The following UQCC6 variants were observed in gnomAD, a reference collection of about 807,000 sequenced individuals.
UQCC6 encodes the protein protein BRAWNIN.
chr12:103,953,794 C>CAT, the UQCC6 span: 3 of 536,390 alleles, frequency 5.6e-6, no homozygotes, highest in Non-Finnish European at 1.0e-5. Context: ...CAGGTAGCTG[C>CAT]TGTAACAACC....
the UQCC6 span, among the ~76,000 whole-genome samples, chr12:103,961,148 G>C: frequency 2.0e-5 from 1 of 49,212 alleles, no homozygotes; most frequent in African/African-American, 6.5e-5. Flanking sequence ...GTGTGTGTTT[G>C]TGTCTTAAGT....
At chr12:103,954,669 G>A in the UQCC6 span, 23 of 409,050 alleles carry the variant, frequency 5.6e-5, no homozygotes, top group East Asian at 8.2e-5. Flanking sequence ...TATCCAACCC[G>A]TATCAGTGGA....
chr12:103,954,850 G>C, the UQCC6 span: 1 of 675,072 alleles, frequency 1.5e-6, no homozygotes, highest in South Asian at 1.6e-5. Context: ...ATTATTTTAT[G>C]AACAGGAGCA....
chr12:103,964,044 G>C, the UQCC6 span, among the ~76,000 whole-genome samples: 1 of 149,518 alleles, frequency 6.7e-6, no homozygotes, highest in Non-Finnish European at 1.5e-5. Context: ...TGTTGAGAGA[G>C]AGACACTGAT....
the UQCC6 span, among the ~76,000 whole-genome samples, chr12:103,953,197 G>A: frequency 6.6e-6 from 1 of 152,192 alleles, no homozygotes; most frequent in African/African-American, 2.4e-5. Flanking sequence ...ACAATAACAG[G>A]TGAAAGTGAC....
chr12:103,958,215 CAA>C, the UQCC6 span, among the ~76,000 whole-genome samples: 7 of 108,412 alleles, frequency 6.5e-5, no homozygotes, highest in East Asian at 2.4e-4. Context: ...GACTCCGTCT[CAA>C]AAAAAAAAAA....
the UQCC6 span, chr12:103,956,611 A>T: frequency 6.7e-7 from 1 of 1,484,728 alleles, no homozygotes; most frequent in South Asian, 1.2e-5. Context: ...AAAATAAAAT[A>T]GTAGCCCTCC....
chr12:103,963,130 G>A, the UQCC6 span, among the ~76,000 whole-genome samples: 1 of 148,470 alleles, frequency 6.7e-6, no homozygotes, highest in South Asian at 2.1e-4. Flanking sequence ...CTAGAATGCA[G>A]TGGCATGATC....
chr12:103,951,257 C>A, the UQCC6 span: 2 of 295,436 alleles, frequency 6.8e-6, no homozygotes, highest in South Asian at 1.2e-4. Flanking sequence ...ATATAGTAGA[C>A]TTACAAATAT....
At chr12:103,963,371 C>T in the UQCC6 span, among the ~76,000 whole-genome samples, 9 of 152,164 alleles carry the variant, frequency 5.9e-5, no homozygotes, top group Non-Finnish European at 1.0e-4. Context: ...CCACTGCGCC[C>T]GGCTAACACT....
the UQCC6 span, among the ~76,000 whole-genome samples, chr12:103,955,358 C>CAG: frequency 6.6e-6 from 1 of 152,012 alleles, no homozygotes; most frequent in Non-Finnish European, 1.5e-5. Flanking sequence ...CAAATGGAGC[C>CAG]AGGCACAGTG....
At chr12:103,953,496 T>G in the UQCC6 span, 1 of 702,250 alleles carries the variant, frequency 1.4e-6, no homozygotes, top group Non-Finnish European at 2.6e-6. Flanking sequence ...TGCCCAGACC[T>G]TCCAGTTCTC....
the UQCC6 span, chr12:103,956,803 G>C: frequency 5.2e-5 from 62 of 1,195,078 alleles, no homozygotes; most frequent in African/African-American, 1.8e-4. Context: ...ACTACACCGC[G>C]CCAGGGCTGA....
At chr12:103,957,070 T>C in the UQCC6 span, 3 of 347,912 alleles carry the variant, frequency 8.6e-6, no homozygotes, top group Admixed American at 1.2e-4. Context: ...CCCTTCTACC[T>C]CTTGGAGGAG....
chr12:103,956,720 TG>T, the UQCC6 span: 1 of 1,551,418 alleles, frequency 6.4e-7, no homozygotes, highest in Admixed American at 2.0e-5. Context: ...TAGGTGGACA[TG>T]GGCACGCCCG....
the UQCC6 span, chr12:103,957,060 C>T: frequency 5.5e-6 from 2 of 364,404 alleles, no homozygotes; most frequent in Non-Finnish European, 1.0e-5. Context: ...TTCCCCGCGC[C>T]CCTTCTACCT....
chr12:103,963,026 A>G, the UQCC6 span, among the ~76,000 whole-genome samples: 1 of 149,418 alleles, frequency 6.7e-6, no homozygotes, highest in East Asian at 1.9e-4. Flanking sequence ...TCTGGACTCT[A>G]TTCTGTTGCA....
At chr12:103,961,175 A>G in the UQCC6 span, among the ~76,000 whole-genome samples, 1 of 84,136 alleles carries the variant, frequency 1.2e-5, no homozygotes, top group East Asian at 3.5e-4. Flanking sequence ...CAAAATTTTT[A>G]AAAGTAAAAA....
the UQCC6 span, among the ~76,000 whole-genome samples, chr12:103,962,073 A>G: frequency 1.3e-5 from 2 of 152,194 alleles, no homozygotes; most frequent in Non-Finnish European, 2.9e-5. Context: ...AAAATCACCT[A>G]GTGACATTTC....
Sources: gnomAD v4.1 joint callset for allele counts (sites outside exome capture counted in the v4.1 genomes callset) on GRCh38, gnomAD v4.1.1 for gene constraint, MANE v1.5 for transcripts, NCBI Gene and HGNC (gene_info 2026-07-23, HGNC 2026-07-21) for gene names.